Variants in SSBP3 observed in about 807,000 individuals in gnomAD.
The protein encoded by SSBP3 is single stranded DNA binding protein 3.
A neutral mutation model predicts 69.6 loss-of-function variants in SSBP3; 5 were observed. The observed-to-expected ratio is 0.07, with a 90% CI of 0.04 to 0.15. The LOEUF (loss-of-function observed/expected upper bound fraction) is 0.15. SSBP3 is among the 10% of genes least tolerant of loss of function. The pLI, the probability that SSBP3 is intolerant of heterozygous loss-of-function variation, is 1.00. For missense variants in SSBP3, 312 were observed against 534.0 expected (o/e 0.58, Z 4.10); for synonymous variants, 196 against 193.4 (o/e 1.01, Z -0.11).
intron 4 of SSBP3, among the ~76,000 whole-genome samples, chr1:54,288,829 TA>T (rs1557498890): frequency 6.6e-6 from 1 of 151,786 alleles, no homozygotes; most frequent in African/African-American, 2.4e-5. Context: ...CCATCCTGGC[TA>T]ACACGTGAAA....
At chr1:54,297,440 G>C (rs1262438184) in intron 4 of SSBP3, among the ~76,000 whole-genome samples, 2 of 152,154 alleles carry the variant, frequency 1.3e-5, no homozygotes, top group Non-Finnish European at 2.9e-5. Flanking sequence ...GACCAGCCTG[G>C]CCAACATGGT....
At chr1:54,333,204 T>C (rs116317024) in intron 4 of SSBP3, among the ~76,000 whole-genome samples, 138 of 152,252 alleles carry the variant, frequency 9.1e-4, no homozygotes, top group African/African-American at 3.2e-3. Flanking sequence ...AGACCTTGCA[T>C]ACCCCACAGA....
chr1:54,324,790 T>C (rs1646272047), intron 4 of SSBP3, among the ~76,000 whole-genome samples: 1 of 152,344 alleles, frequency 6.6e-6, no homozygotes, highest in African/African-American at 2.4e-5. Flanking sequence ...TGTGATTTAG[T>C]ACGCTGGCCC....
At chr1:54,374,540 A>G (rs1647185670) in intron 4 of SSBP3, among the ~76,000 whole-genome samples, 1 of 152,152 alleles carries the variant, frequency 6.6e-6, no homozygotes. Flanking sequence ...TTTGTTCACA[A>G]ACCACCCTCA....
chr1:54,336,952 G>T (rs1427272288), intron 4 of SSBP3, among the ~76,000 whole-genome samples: 1 of 152,182 alleles, frequency 6.6e-6, no homozygotes, highest in Non-Finnish European at 1.5e-5. Context: ...GAGGTCCCGC[G>T]CAGAATCTAC....
intron 5 of SSBP3, among the ~76,000 whole-genome samples, chr1:54,259,215 G>T (rs1441704945): frequency 3.3e-5 from 5 of 151,952 alleles, no homozygotes; most frequent in South Asian, 2.1e-4. Context: ...CAACCTTGGG[G>T]TTACAAACTA....
At chr1:54,232,935 C>T (rs1644407128) in intron 14 of SSBP3, among the ~76,000 whole-genome samples, 1 of 152,158 alleles carries the variant, frequency 6.6e-6, no homozygotes, top group South Asian at 2.1e-4. Context: ...TCGCTACAAC[C>T]TCCACCTCCC....
intron 4 of SSBP3, among the ~76,000 whole-genome samples, chr1:54,390,687 TG>T (rs1243871642): frequency 6.6e-6 from 1 of 152,212 alleles, no homozygotes; most frequent in Non-Finnish European, 1.5e-5. Flanking sequence ...GATAACGTGG[TG>T]GCTGAAATTC....
At chr1:54,404,153 A>C (rs1286975382) in intron 3 of SSBP3, among the ~76,000 whole-genome samples, 2 of 152,106 alleles carry the variant, frequency 1.3e-5, no homozygotes, top group Non-Finnish European at 2.9e-5. Flanking sequence ...TCCTCTCTTA[A>C]GGTTGTGAGC....
At chr1:54,233,248 G>A (rs1200978859) in intron 14 of SSBP3, among the ~76,000 whole-genome samples, 1 of 151,112 alleles carries the variant, frequency 6.6e-6, no homozygotes, top group African/African-American at 2.4e-5. Context: ...TCTGGGATGT[G>A]AGGAGCGCCT....
At chr1:54,278,515 C>A (rs1281053645) in intron 5 of SSBP3, among the ~76,000 whole-genome samples, 1 of 152,172 alleles carries the variant, frequency 6.6e-6, no homozygotes, top group Non-Finnish European at 1.5e-5. Context: ...AAACTTCTGA[C>A]CCCAGGAGCT....
At chr1:54,358,611 T>C (rs538251323) in intron 4 of SSBP3, among the ~76,000 whole-genome samples, 4 of 152,218 alleles carry the variant, frequency 2.6e-5, no homozygotes, top group East Asian at 1.9e-4. Context: ...GCTGGTAAAG[T>C]GAGGAGGATG....
intron 14 of SSBP3, among the ~76,000 whole-genome samples, chr1:54,229,256 CAG>C (rs1475420236): frequency 2.0e-5 from 3 of 152,216 alleles, no homozygotes; most frequent in Non-Finnish European, 4.4e-5. Flanking sequence ...GGTGAGGAAA[CAG>C]AAGCAGTGAG....
chr1:54,404,379 C>A, intron 3 of SSBP3, among the ~76,000 whole-genome samples, 197 bp downstream of exon 3: 1 of 152,236 alleles, frequency 6.6e-6, no homozygotes, highest in East Asian at 1.9e-4. Context: ...GTTTTTCCCC[C>A]CAAAACTTTA....
chr1:54,232,613 T>C (rs920625229), intron 14 of SSBP3, among the ~76,000 whole-genome samples: 1 of 152,012 alleles, frequency 6.6e-6, no homozygotes, highest in Non-Finnish European at 1.5e-5. Context: ...ACGGTCTCCC[T>C]CTCTTTCCAC....
chr1:54,372,645 T>G (rs182254906), intron 4 of SSBP3, among the ~76,000 whole-genome samples: 2 of 148,940 alleles, frequency 1.3e-5, no homozygotes, highest in African/African-American at 5.0e-5. Flanking sequence ...CAATAAATGG[T>G]GACCACGTGA....
At chr1:54,399,933 CAT>C (rs993210300) in intron 4 of SSBP3, among the ~76,000 whole-genome samples, 4 of 152,100 alleles carry the variant, frequency 2.6e-5, no homozygotes, top group African/African-American at 7.2e-5. Context: ...TCTCAGGCCA[CAT>C]GATACCAGGT....
intron 4 of SSBP3, among the ~76,000 whole-genome samples, chr1:54,330,878 C>T (rs1646398194): frequency 1.3e-5 from 2 of 152,188 alleles, no homozygotes; most frequent in Admixed American, 6.5e-5. Flanking sequence ...ACCGTGGGTG[C>T]AGATCACTGC....
At chr1:54,390,268 T>C (rs1321279168) in intron 4 of SSBP3, among the ~76,000 whole-genome samples, 1 of 151,894 alleles carries the variant, frequency 6.6e-6, no homozygotes, top group Non-Finnish European at 1.5e-5. Flanking sequence ...ATGCTGTCGT[T>C]TAGAAATTTA....
Sources: allele counts gnomAD v4.1 joint callset (sites outside exome capture counted in the v4.1 genomes callset), GRCh38; gene constraint gnomAD v4.1.1; transcripts MANE v1.5; gene names NCBI Gene and HGNC (gene_info 2026-07-23, HGNC 2026-07-21).